MDC1: variants seen among roughly 807,000 people sequenced by gnomAD.
MDC1 encodes mediator of DNA damage checkpoint protein 1.
A neutral mutation model predicts 142.5 loss-of-function variants in MDC1; 81 were observed. The ratio of observed to expected loss-of-function variants is 0.57; its 90% confidence interval spans 0.47 to 0.68. The LOEUF is 0.68. Ranked by LOEUF, MDC1 falls within the 30% of genes least tolerant of loss-of-function variation. The probability of loss-of-function intolerance (pLI) is 0.00; values close to 1 mark genes in which losing one functional copy is unlikely to be tolerated. For missense variants in MDC1, 2,119 were observed against 2,547.9 expected (o/e 0.83, Z 3.62); for synonymous variants, 797 against 968.4 (o/e 0.82, Z 3.29).
Position 30,704,251 on chromosome 6 carries a change from C to A in MDC1, c.4932G>T (p.Arg1644Ser), listed in dbSNP as rs142484355. The change falls in exon 10 of 15, where the codon AGG (arginine) becomes AGT (serine). Residue 1644 changes from arginine to serine, a missense_variant. Physicochemically the swap from Arg to Ser is moderately radical, Grantham distance 110. Transcript: ENST00000376406. Reference sequence around the variant, plus strand: ...CTGGTTTGGGAGTCTTGACAGAGGACCTATTTGTCTTTCTCCTAGTGGCCC... The same window carrying A: ...CTGGTTTGGGAGTCTTGACAGAGGAACTATTTGTCTTTCTCCTAGTGGCCC... The part of the protein sequence containing the change: ...TSRATRRKTN[R>S]SSVKTPKPVE... 2,557 of 1,613,346 alleles carry A rather than the reference C, an allele frequency of 1.6e-3. 34 individuals are homozygous for A. The African/African-American group carries it at 0.031, about 19-fold the overall frequency.
In MDC1 at chr6:30,700,626, T is replaced by A. The variant is rs754656092; in HGVS notation, c.6109A>T (p.Arg2037Ter). 17 of 1,612,758 alleles carry A rather than the reference T, an allele frequency of 1.1e-5. No individual in the cohort carries two copies. Among genetic ancestry groups the A allele is most frequent in the Non-Finnish European group, 1.4e-5 (17 of 1,179,902 alleles). Reference sequence around the variant, plus strand: ...TCCTGAGGGCATGTGATCACAACTCTCTGAGGCTGGGGAAGACAGAGCAAA... The same window carrying A: ...TCCTGAGGGCATGTGATCACAACTCACTGAGGCTGGGGAAGACAGAGCAAA... ...PSMPRSYKPQ[R>*]VVITCPQDFP... Residue 2037 changes from arginine to a stop codon, truncating the protein, a stop_gained, in exon 15 of 15, where the codon AGA becomes TGA. Coordinates refer to ENST00000376406, the MANE Select transcript of MDC1 (RefSeq NM_014641.3). LOFTEE classifies it high-confidence loss of function.
chr6:30,703,268 C>A lies in MDC1; in HGVS notation c.5701G>T (p.Val1901Leu). The A allele has an allele frequency of 6.2e-7, 1 of 1,612,592 alleles. No individual in the cohort carries two copies. The highest frequency in any genetic ancestry group is 8.5e-7 in the Non-Finnish European group (1 of 1,179,644). The change falls in exon 12 of 15, where the codon GTG becomes TTG. Residue 1901 changes from valine to leucine, a missense_variant. Val to Leu is a conservative substitution (Grantham distance 32). Transcript: ENST00000376406. This position sits in a 1 kb window ranked among gnomAD's most constrained non-coding sequence, Gnocchi z 4.4. Reference protein sequence around the residue: ...TAPKVLFTGVVDARGERAVLA... With the variant: ...TAPKVLFTGVLDARGERAVLA... ...ACAGCCCGCTCTCCCCGAGCATCCA[C>A]CACTCCTGTGAAGAGCACCTGTGGA...
At position 30,704,549 on chromosome 6, in the gene MDC1, T is replaced by C. The variant is rs17292678; in HGVS notation, c.4634A>G (p.Gln1545Arg). The part of the protein sequence containing the change: ...PELQPSTSTD[Q>R]PVTPEPTSRA... ...AGATGTGGGCTCAGGGGTGACAGGTTGGTCTGTGGAGGTGGAAGGCTGGAG... is the reference window on the plus strand; with the variant it reads ...AGATGTGGGCTCAGGGGTGACAGGTCGGTCTGTGGAGGTGGAAGGCTGGAG... The change falls in exon 10 of 15, where the codon CAA becomes CGA. Residue 1545 changes from glutamine to arginine, a missense_variant. Coordinates refer to ENST00000376406, the MANE Select transcript of MDC1 (RefSeq NM_014641.3). The C allele has an allele frequency of 0.032, 52,058 of 1,609,956 alleles. 1,268 individuals carry two copies. The highest frequency in any genetic ancestry group is 0.11 in the Admixed American group (6,363 of 59,546).
At chr6:30,706,213 G>T (rs1375164046) in intron 9 of MDC1, 115 bp from the exon 10 acceptor site, 3 of 943,452 alleles carry the variant, frequency 3.2e-6, no homozygotes, top group Non-Finnish European at 4.6e-6. Context: ...TCCACCGGGC[G>T]TGGTGGCTCA....
In MDC1 at chr6:30,705,590, G is replaced by C; in HGVS notation, c.3593C>G (p.Thr1198Ser). Residue 1198 changes from threonine (T) to serine (S), a missense_variant, in exon 10 of 15, where the codon ACC becomes AGC. Thr to Ser is a moderately conservative substitution (Grantham distance 58). Transcript: ENST00000376406. ...GGCTGTGGGCACAACTGTTTCAGGG[G>C]TCTTGACAGAGGATCTACTTTTTCT... ...RGRKSRSSVK[T>S]PETVVPTALE... 1 of 1,607,168 alleles carries C rather than the reference G, an allele frequency of 6.2e-7. No individual in the cohort carries two copies. Among genetic ancestry groups the C allele is most frequent in the South Asian group, 1.1e-5 (1 of 89,584 alleles).
chr6:30,714,502 G>A (rs1424062772), intron 2 of MDC1, among the ~76,000 whole-genome samples: 1 of 151,456 alleles, frequency 6.6e-6, no homozygotes, highest in Admixed American at 6.6e-5. Flanking sequence ...CACACAATTG[G>A]ATTTTATTTG....
chr6:30,702,478 C>T, intron 14 of MDC1, 75 bp downstream of exon 14: 6 of 1,205,236 alleles, frequency 5.0e-6, no homozygotes, highest in Non-Finnish European at 6.9e-6. Context: ...TTTTTTCCCT[C>T]CAATCTTTGC....
rs1450961781 is a variant in MDC1 at position 30,705,072 on chromosome 6, G to A, written c.4111C>T (p.Pro1371Ser). ...KNPESTVPIA[P>S]ELPPSTSTEQ... is the part of the protein sequence containing the mutation. ...GTGGAGGTGGAAGGTGGGAGCTCAG[G>A]GGCTATAGGGACAGTTGATTCAGGG... The change falls in exon 10 of 15, where the codon CCT becomes TCT. Residue 1371 changes from proline to serine, a missense_variant. Coordinates refer to ENST00000376406, the MANE Select transcript of MDC1 (RefSeq NM_014641.3). 6.2e-7 allele frequency: 1 copy of A among 1,613,140 alleles called. No homozygotes were observed. Among genetic ancestry groups the A allele is most frequent in the Non-Finnish European group, 8.5e-7 (1 of 1,179,734 alleles).
chr6:30,702,731 G>A, intron 13 of MDC1, 21 bp downstream of exon 13: 1 of 1,613,070 alleles, frequency 6.2e-7, no homozygotes, highest in Admixed American at 1.7e-5. Context: ...CTGAAGCACA[G>A]GTTAAAAGAT....
At position 30,707,406 on chromosome 6, in the gene MDC1, C is replaced by T. The variant is rs748112559; in HGVS notation, c.3062G>A (p.Arg1021Lys). 6.8e-6 allele frequency: 11 copies of T among 1,613,132 alleles called. No individual in the cohort carries two copies. The Admixed American group carries it at 1.5e-4, about 22-fold the overall frequency. The change falls in exon 9 of 15, where the codon AGA becomes AAA. Residue 1021 changes from arginine (R) to lysine (K), a missense_variant. Physicochemically the swap from Arg to Lys is conservative, Grantham distance 26. Transcript: ENST00000376406. ...CACCCTGGAAACCTTCTCAGCAGCT[C>T]TGATCCTGGAAGCCTTCTCAGCAGG... ...MPPAEKASRI[R>K]AAEKVSRGDQ...
Position 30,708,352 on chromosome 6 carries a change from G to T in MDC1, c.2227C>A (p.Leu743Ile). 2 of 1,608,414 alleles carry T rather than the reference G, an allele frequency of 1.2e-6. No homozygotes were observed. ...GCCAGGACCTCCCATGGTTCATCTA[G>T]GGTACCTGGAAGGGGAGGAAGGAAG... ...SHCSFQTTGT[L>I]DEPWEVLATQ... is the part of the protein sequence containing the mutation. The change falls in exon 8 of 15, where the codon CTA (leucine) becomes ATA (isoleucine). Residue 743 changes from leucine (L) to isoleucine (I), a missense_variant. Leu to Ile is a conservative substitution (Grantham distance 5, BLOSUM62 2). Transcript: ENST00000376406.
intron 14 of MDC1, among the ~76,000 whole-genome samples, chr6:30,701,906 G>A (rs1423619727): frequency 1.8e-4 from 27 of 151,584 alleles, no homozygotes; most frequent in Non-Finnish European, 3.7e-4. Context: ...AGCAAAGAAA[G>A]AGAAAGGAAA....
At chr6:30,714,513 ATTT>A (rs201352106) in intron 2 of MDC1, among the ~76,000 whole-genome samples, 3 of 141,576 alleles carry the variant, frequency 2.1e-5, no homozygotes, top group Non-Finnish European at 3.1e-5. Context: ...ATTTTATTTG[ATTT>A]TTTTTTTTTT....
At chr6:30,708,924 T>TAGTC (rs1774394431) in intron 7 of MDC1, among the ~76,000 whole-genome samples, 1 of 145,628 alleles carries the variant, frequency 6.9e-6, no homozygotes, top group South Asian at 2.2e-4. Context: ...GTTCCCTGAA[T>TAGTC]AGTCTCTCAT....
rs61748587 is a variant in MDC1 at position 30,713,979 on chromosome 6, C to T, written c.341G>A (p.Arg114His). 2.0e-5 allele frequency: 32 copies of T among 1,612,804 alleles called. No homozygotes were observed. The Admixed American group carries it at 3.5e-4, about 18-fold the overall frequency. ...PKVLSPGVSH[R>H]LRDQELILFA... ...GAGAATCAATTCCTGGTCCCTCAGACGGTGACTCACCCCAGGGCTCAAAAC... is the reference window on the plus strand; with the variant it reads ...GAGAATCAATTCCTGGTCCCTCAGATGGTGACTCACCCCAGGGCTCAAAAC... The change falls in exon 3 of 15, where the codon CGT becomes CAT. Residue 114 changes from arginine to histidine, a missense_variant. Physicochemically the swap from Arg to His is conservative, Grantham distance 29 (BLOSUM62 0). Transcript: ENST00000376406. This position sits in a 1 kb window ranked among gnomAD's most constrained non-coding sequence, Gnocchi z 4.9.
intron 7 of MDC1, 47 bp from the exon 8 acceptor site, chr6:30,708,404 G>T (rs1357511259): frequency 1.3e-6 from 2 of 1,495,886 alleles, no homozygotes; most frequent in East Asian, 4.6e-5. Flanking sequence ...GGAGAGAAAA[G>T]AGGGAGAGGA....
Position 30,703,258 on chromosome 6 carries a change from C to G in MDC1, c.5711G>C (p.Arg1904Pro). 2.5e-6 allele frequency: 4 copies of G among 1,612,742 alleles called. No individual in the cohort carries two copies. The highest frequency in any genetic ancestry group is 3.4e-6 in the Non-Finnish European group (4 of 1,179,778). The change falls in exon 12 of 15, where the codon CGG (arginine) becomes CCG (proline). Residue 1904 changes from arginine to proline, a missense_variant. Transcript: ENST00000376406. The surrounding 1 kb of genome is among the most constrained non-coding windows in gnomAD (Gnocchi z 4.4). ...KVLFTGVVDA[R>P]GERAVLALGG... ...CAGTGCCAGCACAGCCCGCTCTCCC[C>G]GAGCATCCACCACTCCTGTGAAGAG...
In MDC1 at chr6:30,714,894, A is replaced by C. The variant is rs1467711067; in HGVS notation, c.136+146T>G. The C allele has an allele frequency of 5.0e-6, 4 of 799,230 alleles. No homozygotes were observed. In the African/African-American group the frequency reaches 7.0e-5, roughly 14 times the overall value. 49.5% of individuals were successfully genotyped at this position (799,230 alleles called of 1,614,324 possible). A position where few individuals can be genotyped will look rare whatever the true frequency, so the allele number is the denominator to read the frequency against. On this transcript the variant is annotated intron_variant, in intron 2 of 14. Transcript: ENST00000376406. ...CCAGGGTAGTAGTCTGCAACTATCA[A>C]CTCAATCGGCCCCATCTCTTCCATT...
At position 30,715,007 on chromosome 6, in the gene MDC1, A is replaced by G. The variant is rs1562133789; in HGVS notation, c.136+33T>C. On this transcript the variant is annotated intron_variant, in intron 2 of 14. Transcript: ENST00000376406. This position sits in a 1 kb window ranked among gnomAD's most constrained non-coding sequence, Gnocchi z 4.1. Reference sequence around the variant, plus strand: ...ACCTTACCACAAAAATAAAAGATCTATATCAATACTTGAACATCCAATACC... The same window carrying G: ...ACCTTACCACAAAAATAAAAGATCTGTATCAATACTTGAACATCCAATACC... 1.2e-6 allele frequency: 2 copies of G among 1,611,060 alleles called. No individual in the cohort carries two copies. The highest frequency in any genetic ancestry group is 1.7e-5 in the Admixed American group (1 of 59,978).
Sources: allele counts gnomAD v4.1 joint callset (sites outside exome capture counted in the v4.1 genomes callset), GRCh38; gene constraint gnomAD v4.1.1; non-coding constraint Gnocchi (gnomAD v3.1); transcripts MANE v1.5; gene names NCBI Gene and HGNC (gene_info 2026-07-23, HGNC 2026-07-21).